Variants in PRDM4 observed in about 807,000 individuals in gnomAD.
PRDM4 encodes PR domain zinc finger protein 4.
A neutral mutation model predicts 62.3 loss-of-function variants in PRDM4; 38 were observed. The observed-to-expected ratio is 0.61, with a 90% CI of 0.47 to 0.80. The LOEUF (loss-of-function observed/expected upper bound fraction) is 0.80. Among genes scored for constraint, PRDM4 ranks in the 30% least tolerant of loss-of-function variants. The pLI, the probability that PRDM4 is intolerant of heterozygous loss-of-function variation, is 0.00. For synonymous variants in PRDM4, 339 were observed against 348.2 expected (o/e 0.97, Z 0.30); for missense variants, 858 against 997.1 (o/e 0.86, Z 1.88).
intron 9 of PRDM4, 56 bp downstream of exon 9, chr12:107,742,165 C>T (rs892507524): frequency 1.3e-6 from 2 of 1,541,742 alleles, no homozygotes; most frequent in African/African-American, 2.8e-5. Flanking sequence ...AAACTTTAAT[C>T]CTGGTCTTTG....
intron 11 of PRDM4, among the ~76,000 whole-genome samples, chr12:107,735,627 T>C (rs1241034280): frequency 1.3e-5 from 2 of 151,842 alleles, no homozygotes; most frequent in African/African-American, 2.4e-5. Flanking sequence ...CATTCTACAA[T>C]GCACAGGGCA....
intron 2 of PRDM4, among the ~76,000 whole-genome samples, chr12:107,758,034 G>C (rs12368330): frequency 0.18 from 28,040 of 151,856 alleles, 3,588 homozygotes; most frequent in East Asian, 0.52. Context: ...CGTATGGGAG[G>C]GGGTGAAGCA....
chr12:107,742,703 A>G (rs1423950213), intron 8 of PRDM4: 7 of 247,826 alleles, frequency 2.8e-5, no homozygotes, highest in Non-Finnish European at 4.6e-5. Context: ...AACAGCCAAT[A>G]TAAAGAAAAG....
chr12:107,751,323 C>T, intron 5 of PRDM4, 92 bp downstream of exon 5: 1 of 1,307,138 alleles, frequency 7.7e-7, no homozygotes, highest in Non-Finnish European at 1.0e-6. Context: ...GCTTTCTATA[C>T]TCCCTTAATG....
At chr12:107,745,060 AAAAAAAAT>A in intron 6 of PRDM4, among the ~76,000 whole-genome samples, 2 of 151,900 alleles carry the variant, frequency 1.3e-5, no homozygotes, top group South Asian at 4.2e-4. Context: ...ACTCTGTCTC[AAAAAAAAT>A]AAAAAAATAA....
chr12:107,746,492 T>G (rs1224993419), intron 5 of PRDM4, 68 bp from the exon 6 acceptor site: 1 of 1,354,136 alleles, frequency 7.4e-7, no homozygotes, highest in Non-Finnish European at 9.9e-7. Flanking sequence ...CACCACGGTT[T>G]TTTTTTTTTT....
chr12:107,753,876 C>A, intron 4 of PRDM4, 48 bp downstream of exon 4: 1 of 1,530,682 alleles, frequency 6.5e-7, no homozygotes, highest in African/African-American at 1.4e-5. Context: ...AGTTTAAAAG[C>A]TGGCGCCGTT....
At chr12:107,749,767 C>A (rs1020132840) in intron 5 of PRDM4, among the ~76,000 whole-genome samples, 2 of 152,068 alleles carry the variant, frequency 1.3e-5, no homozygotes, top group African/African-American at 4.8e-5. Flanking sequence ...AATTTATTCT[C>A]ACATTGCAGC....
At chr12:107,758,493 T>G (rs979776536) in intron 2 of PRDM4, 4 of 152,080 alleles carry the variant, frequency 2.6e-5, no homozygotes, top group Admixed American at 1.3e-4. Context: ...AATCCCACTT[T>G]AAAGATGAGG....
intron 2 of PRDM4, among the ~76,000 whole-genome samples, chr12:107,759,260 C>G (rs1444664946): frequency 6.6e-6 from 1 of 151,828 alleles, no homozygotes; most frequent in Non-Finnish European, 1.5e-5. Flanking sequence ...GTCTTAAAAA[C>G]AAAAAAAGCA....
chr12:107,751,497 G>C lies in PRDM4; in HGVS notation c.1044C>G (p.Asp348Glu), dbSNP rs1344941227. The change falls in exon 5 of 12, where the codon GAC becomes GAG. Residue 348 changes from aspartate (D) to glutamate (E), a missense_variant. This residue lies in a region of PRDM4 where 499 missense variants were observed against 546.7 expected (regional missense o/e 0.91). Coordinates refer to ENST00000228437, the MANE Select transcript of PRDM4 (RefSeq NM_012406.4). ...MGTGHVDVSS[D>E]SLSFVSPSLQ... ...GTGAAGGTGATACAAAAGAAAGACT[G>C]TCTGAAGATACATCTACATGACCTG... 1.2e-6 allele frequency: 2 copies of C among 1,613,854 alleles called. No homozygotes were observed. The highest frequency in any genetic ancestry group is 1.1e-5 in the South Asian group (1 of 91,080).
At chr12:107,743,742 T>C (rs1268578032) in intron 7 of PRDM4, among the ~76,000 whole-genome samples, 1 of 152,184 alleles carries the variant, frequency 6.6e-6, no homozygotes, top group Non-Finnish European at 1.5e-5. Flanking sequence ...ACCCATTTTC[T>C]CCTTACTTCA....
intron 7 of PRDM4, 71 bp downstream of exon 7, chr12:107,744,472 T>A (rs539567679): frequency 3.6e-5 from 56 of 1,544,430 alleles, no homozygotes; most frequent in Non-Finnish European, 4.5e-5. Context: ...TTTGACTTTA[T>A]CATAACTTTT....
In PRDM4 at chr12:107,744,561, T is replaced by C. The variant is rs779763174; in HGVS notation, c.1377A>G (p.Ala459=). ...GACTGACCTTCCAGATATGGTTAAC[T>C]GCCTTGTCTGTCCATTCTGCTACTT... is the stretch of plus-strand genomic sequence containing the variant. ...SMEVAEWTDK[A]VNHIWKIYHN... The change falls in exon 7 of 12, where the codon GCA becomes GCG. Residue 459 remains alanine (A), a synonymous_variant. Transcript: ENST00000228437. The C allele has an allele frequency of 6.2e-7, 1 of 1,613,688 alleles. No individual in the cohort carries two copies. The highest frequency in any genetic ancestry group is 1.1e-5 in the South Asian group (1 of 91,068).
Position 107,746,397 on chromosome 12 carries a change from G to C in PRDM4, c.1154C>G (p.Pro385Arg). The stretch of plus-strand genomic sequence containing the variant: ...TGGTCCATGTTCGGGACAGTCCGAG[G>C]GATAGGCGCGGTCACACAGAGTACA... ...IWCTLCDRAY[P>R]SDCPEHGPVT... Residue 385 changes from proline to arginine, a missense_variant, in exon 6 of 12, where the codon CCC becomes CGC. This residue lies in a region of PRDM4 where 499 missense variants were observed against 546.7 expected (regional missense o/e 0.91). Transcript: ENST00000228437. 6.2e-7 allele frequency: 1 copy of C among 1,611,226 alleles called. No individual in the cohort carries two copies. Among genetic ancestry groups the C allele is most frequent in the Non-Finnish European group, 8.5e-7 (1 of 1,178,504 alleles).
chr12:107,743,022 C>T (rs552759867), intron 8 of PRDM4, among the ~76,000 whole-genome samples, 175 bp downstream of exon 8: 145 of 152,276 alleles, frequency 9.5e-4, no homozygotes, highest in African/African-American at 3.1e-3. Flanking sequence ...CCACCTCAGC[C>T]ACCCCAAGTG....
chr12:107,757,316 ATATT>A (rs1436485169), intron 2 of PRDM4, among the ~76,000 whole-genome samples: 1 of 152,122 alleles, frequency 6.6e-6, no homozygotes, highest in Non-Finnish European at 1.5e-5. Flanking sequence ...ATCTTTTATA[ATATT>A]TATTTTTCTC....
chr12:107,753,997 A>G lies in PRDM4; in HGVS notation c.258T>C (p.Pro86=). 6.2e-7 allele frequency: 1 copy of G among 1,614,138 alleles called. No individual in the cohort carries two copies. The highest frequency in any genetic ancestry group is 8.5e-7 in the Non-Finnish European group (1 of 1,180,002). The change falls in exon 4 of 12, where the codon CCT becomes CCC. Residue 86 remains proline (P), a synonymous_variant. Transcript: ENST00000228437. ...GTGGAGGTAGGGTGTAGTTTCTTTC[A>G]GGTAACCCACACATCACCCCTCGAT... ...IGDRGVMCGL[P]ERNYTLPPPP...
intron 5 of PRDM4, among the ~76,000 whole-genome samples, chr12:107,749,677 T>C (rs774492273): frequency 2.6e-4 from 40 of 152,234 alleles, no homozygotes; most frequent in Admixed American, 7.9e-4. Flanking sequence ...TGCATCCTAA[T>C]TACCTCTACT....
Sources: allele counts gnomAD v4.1 joint callset (sites outside exome capture counted in the v4.1 genomes callset), GRCh38; gene constraint gnomAD v4.1.1; regional missense constraint gnomAD v4.1.1; transcripts MANE v1.5; gene names NCBI Gene and HGNC (gene_info 2026-07-23, HGNC 2026-07-21).